Variants in BDH1 observed in about 807,000 individuals in gnomAD.
BDH1 encodes the protein 3-hydroxybutyrate dehydrogenase 1.
BDH1 carries 30 observed loss-of-function variants against 33.1 expected under a neutral mutation model. That is an observed-to-expected ratio of 0.91 (90% CI 0.68 to 1.23). The LOEUF is 1.23. Ranked by LOEUF, BDH1 falls within the 50% of genes most tolerant of loss-of-function variation. The pLI is 0.00. For missense variants in BDH1, 443 were observed against 464.4 expected (o/e 0.95, Z 0.42); for synonymous variants, 190 against 183.6 (o/e 1.03, Z -0.28).
At position 197,510,144 on chromosome 3, in the gene BDH1, G is replaced by A. The variant is rs1349966452; in HGVS notation, c.*1751C>T. On this transcript the variant is annotated 3_prime_UTR_variant, in exon 8 of 8. Transcript: ENST00000392379. ...CTGCCTTCTCCTGGCACCAGCCTCC[G>A]GGCCCGGGCCAGCTGCTAGGAGAGC... 6.6e-6 allele frequency: 1 copy of A among 152,316 alleles called. No individual in the cohort carries two copies. The allele number at this position is 152,316 out of a possible 1,614,324, so 9.4% of individuals were successfully genotyped here.
At position 197,511,976 on chromosome 3, in the gene BDH1, G is replaced by A. The variant is rs1712076644; in HGVS notation, c.951C>T (p.Pro317=). 1 of 1,610,824 alleles carries A rather than the reference G, an allele frequency of 6.2e-7. No homozygotes were observed. The highest frequency in any genetic ancestry group is 1.3e-5 in the African/African-American group (1 of 74,916). The change falls in exon 8 of 8, where the codon CCC becomes CCT. Residue 317 remains proline (P), a synonymous_variant. Transcript: ENST00000392379. The part of the protein sequence containing the change: ...TATTPYTRYH[P]MDYYWWLRMQ... ...TTCGCAGCCACCAGTAGTAGTCCAT[G>A]GGGTGGTAGCGGGTGTAGGGGGTGG...
At chr3:197,553,228 T>C (rs1716713029) in intron 2 of BDH1, among the ~76,000 whole-genome samples, 1 of 149,772 alleles carries the variant, frequency 6.7e-6, no homozygotes, top group South Asian at 2.1e-4. Context: ...GGTACATAAT[T>C]AAATGAATTA....
upstream of BDH1, among the ~76,000 whole-genome samples, chr3:197,560,714 A>G (rs1336908094): frequency 6.6e-6 from 1 of 152,208 alleles, no homozygotes; most frequent in African/African-American, 2.4e-5. Context: ...TGAAAGGAAA[A>G]TATCTTGGGG....
Position 197,520,247 on chromosome 3 carries a change from G to GT in BDH1, c.409+2392dup, listed in dbSNP as rs1279478878. The stretch of plus-strand genomic sequence containing the variant: ...ACACGCCACTGCATATCTGACGGAT[G>GT]TACTGTTTTCTTCAGACCTAAAAGT... On this transcript the variant is annotated intron_variant, in intron 6 of 7. Transcript: ENST00000392379. This position sits in a 1 kb window ranked among gnomAD's most constrained non-coding sequence, Gnocchi z 6.0. Among the ~76,000 whole-genome samples the GT allele has an allele frequency of 2.6e-5, 4 of 151,908 alleles. No individual in the cohort carries two copies. The highest frequency in any genetic ancestry group is 5.9e-5 in the Non-Finnish European group (4 of 68,004).
At chr3:197,529,827 A>C (rs1329361805) in intron 5 of BDH1, 1 of 152,198 alleles carries the variant, frequency 6.6e-6, no homozygotes, top group African/African-American at 2.4e-5. Context: ...ATAGTATGGG[A>C]AATTCCTCCC....
At chr3:197,563,593 A>G (rs941136428) in intron 1 of BDH1, among the ~76,000 whole-genome samples, 6 of 152,254 alleles carry the variant, frequency 3.9e-5, no homozygotes, top group Admixed American at 2.6e-4. Context: ...ATACTTGTAG[A>G]CAAACTCATA....
At chr3:197,571,038 C>T (rs896150658) in intron 1 of BDH1, among the ~76,000 whole-genome samples, 3 of 152,244 alleles carry the variant, frequency 2.0e-5, no homozygotes, top group Admixed American at 2.0e-4. Flanking sequence ...GAACCCACCT[C>T]TTGCATCAGC....
rs887900907 is a variant in BDH1, at chr3:197,561,840, TA to T, written c.-44+11340del. 1.8e-3 allele frequency among the ~76,000 whole-genome samples: 276 copies of T among 150,912 alleles called. 2 individuals carry two copies. The highest frequency in any genetic ancestry group is 6.1e-3 in the African/African-American group (253 of 41,256). ...TGCTTTCTGTGTTTGCTTCCTGTCT[TA>T]AAAAAAAAATATTTATTTCATTTAC... On this transcript the variant is annotated intron_variant, in intron 1 of 6. Transcript: ENST00000358186.
chr3:197,571,682 G>A (rs1717611565), intron 1 of BDH1, among the ~76,000 whole-genome samples: 1 of 152,206 alleles, frequency 6.6e-6, no homozygotes, highest in Non-Finnish European at 1.5e-5. Context: ...GGAACTGTGA[G>A]TCCATTAAAC....
rs1355602196 is a variant in BDH1 at position 197,511,942 on chromosome 3, T to A, written c.985A>T (p.Met329Leu). The A allele has an allele frequency of 6.3e-7, 1 of 1,589,222 alleles. No homozygotes were observed. Among genetic ancestry groups the A allele is most frequent in the Non-Finnish European group, 8.6e-7 (1 of 1,165,590 alleles). ...GAGATGGCTCCAGGCAAGTGGGTCA[T>A]GATCTGCATTCGCAGCCACCAGTAG... The part of the protein sequence containing the change: ...DYYWWLRMQI[M>L]THLPGAISDM... Residue 329 changes from methionine (M) to leucine (L), a missense_variant, in exon 8 of 8, where the codon ATG becomes TTG. Met to Leu is a conservative substitution (Grantham distance 15). Transcript: ENST00000392379.
chr3:197,571,828 C>T (rs1193897542), intron 1 of BDH1, among the ~76,000 whole-genome samples: 2 of 152,126 alleles, frequency 1.3e-5, no homozygotes, highest in African/African-American at 4.8e-5. Flanking sequence ...TTTGGGAGAA[C>T]AAGATGGGAG....
rs1347120387 is a variant in BDH1, at chr3:197,525,896, C to G, written c.268-3115G>C. ...CCCTCTGCAGGTCTGTGTGCTCCCT[C>G]TGCTGGTCTCCGTGCTCCCTCTGCA... is the stretch of plus-strand genomic sequence containing the variant. On this transcript the variant is annotated intron_variant, in intron 5 of 7. Transcript: ENST00000392379. The surrounding 1 kb of genome is among the most constrained non-coding windows in gnomAD (Gnocchi z 4.9). 1.3e-5 allele frequency among the ~76,000 whole-genome samples: 2 copies of G among 152,176 alleles called. No homozygotes were observed. Among genetic ancestry groups the G allele is most frequent in the Non-Finnish European group, 2.9e-5 (2 of 68,032 alleles).
chr3:197,514,378 A>G lies in BDH1; in HGVS notation c.448T>C (p.Phe150Leu). 1 of 1,612,448 alleles carries G rather than the reference A, an allele frequency of 6.2e-7. No individual in the cohort carries two copies. Among genetic ancestry groups the G allele is most frequent in the South Asian group, 1.1e-5 (1 of 90,800 alleles). The change falls in exon 7 of 8, where the codon TTC (phenylalanine) becomes CTC (leucine). Residue 150 changes from phenylalanine (F) to leucine (L), a missense_variant. Physicochemically the swap from Phe to Leu is conservative, Grantham distance 22. Transcript: ENST00000392379. The surrounding 1 kb of genome is among the most constrained non-coding windows in gnomAD (Gnocchi z 4.2). ...GLVNNAGISTFGEVEFTSLET... is the reference protein window; with the variant it reads ...GLVNNAGISTLGEVEFTSLET... The stretch of plus-strand genomic sequence containing the variant: ...AGGCTGGTGAACTCCACCTCCCCGA[A>G]CGTTGAGATGCCGGCATTGTTAACG...
chr3:197,515,667 A>G (rs1006442949), intron 6 of BDH1: 6 of 985,614 alleles, frequency 6.1e-6, no homozygotes, highest in Middle Eastern at 5.2e-4. Flanking sequence ...CCGCATTTCC[A>G]TATCCCGAAG....
chr3:197,522,561 C>T lies in BDH1; in HGVS notation c.409+79G>A. ...AGGGAGTGTGGTGGCAGGATGCCAG[C>T]CAGTGGAAGGTGGTGTTCGGCAAGT... On this transcript the variant is annotated intron_variant, in intron 6 of 7. Coordinates refer to ENST00000392379, the MANE Select transcript of BDH1 (RefSeq NM_203314.3). This position sits in a 1 kb window ranked among gnomAD's most constrained non-coding sequence, Gnocchi z 4.8. The T allele has an allele frequency of 6.4e-7, 1 of 1,573,956 alleles. No individual in the cohort carries two copies.
chr3:197,533,552 T>C lies in BDH1; in HGVS notation c.93A>G (p.Leu31=). ...CDRENGARRP[L]LLGSTSFIPI... ...GGATAAAGGAAGTAGAACCAAGCAATAGTGGGCGTCTGCAAGAGAAAAGGA... is the reference window on the plus strand; with the variant it reads ...GGATAAAGGAAGTAGAACCAAGCAACAGTGGGCGTCTGCAAGAGAAAAGGA... Residue 31 remains leucine (L), a synonymous_variant, in exon 4 of 8, where the codon CTA becomes CTG. Transcript: ENST00000392379. 6.2e-7 allele frequency: 1 copy of C among 1,614,062 alleles called. No homozygotes were observed. Among genetic ancestry groups the C allele is most frequent in the Non-Finnish European group, 8.5e-7 (1 of 1,180,004 alleles).
At position 197,512,372 on chromosome 3, in the gene BDH1, G is replaced by C. The variant is rs1431516552; in HGVS notation, c.563-8C>G. 1.2e-5 allele frequency: 19 copies of C among 1,594,994 alleles called. No homozygotes were observed. The highest frequency in any genetic ancestry group is 1.6e-5 in the Non-Finnish European group (19 of 1,174,204). Reference sequence around the variant, plus strand: ...TGATATTGACGACGCGGCCTACAGAGGGAGACAGAGGTACCTGCTAAGCCG... The same window carrying C: ...TGATATTGACGACGCGGCCTACAGACGGAGACAGAGGTACCTGCTAAGCCG... On this transcript the variant is annotated splice_region_variant and splice_polypyrimidine_tract_variant and intron_variant, in intron 7 of 7. Transcript: ENST00000392379.
intron 1 of BDH1, among the ~76,000 whole-genome samples, chr3:197,570,800 A>G (rs999693885): frequency 6.6e-6 from 1 of 152,232 alleles, no homozygotes; most frequent in African/African-American, 2.4e-5. Flanking sequence ...GCAGTGAAGA[A>G]GGGAAATGTG....
chr3:197,512,460 C>T, intron 7 of BDH1, 96 bp from the exon 8 acceptor site: 3 of 1,321,636 alleles, frequency 2.3e-6, no homozygotes, highest in Non-Finnish European at 3.1e-6. Context: ...GCTGGAACCA[C>T]TTCTGAGCCA....
Sources: gnomAD v4.1 joint callset for allele counts (sites outside exome capture counted in the v4.1 genomes callset) on GRCh38, gnomAD v4.1.1 for gene constraint, Gnocchi (gnomAD v3.1) non-coding constraint, MANE v1.5 for transcripts, NCBI Gene and HGNC (gene_info 2026-07-23, HGNC 2026-07-21) for gene names.